Variants in PACS2 observed in about 807,000 individuals in gnomAD.
The protein encoded by PACS2 is phosphofurin acidic cluster sorting protein 2.
In PACS2, 36 loss-of-function variants were observed where a neutral mutation model predicts 113.0. That is an observed-to-expected ratio of 0.32 (90% CI 0.24 to 0.42). PACS2 has a LOEUF of 0.42. Among genes scored for constraint, PACS2 ranks in the 10% least tolerant of loss-of-function variants. The probability of loss-of-function intolerance (pLI) is 1.00; values close to 1 mark genes in which losing one functional copy is unlikely to be tolerated. For missense variants in PACS2, 1,015 were observed against 1,239.5 expected, an observed-to-expected ratio of 0.82 and a Z score of 2.72; for synonymous variants, 589 against 536.1, an observed-to-expected ratio of 1.10 and a Z score of -1.36.
chr14:105,347,611 G>A (rs782470578), intron 1 of PACS2, among the ~76,000 whole-genome samples: 1 of 152,214 alleles, frequency 6.6e-6, no homozygotes, highest in Non-Finnish European at 1.5e-5. Context: ...GCCTGAAGCC[G>A]GGCAGGGCAG....
chr14:105,313,724 C>T (rs949393095), upstream of PACS2, among the ~76,000 whole-genome samples: 4 of 152,196 alleles, frequency 2.6e-5, no homozygotes. Context: ...AGACACAGGG[C>T]GAAGAGAAAA....
In PACS2 at chr14:105,324,500, G is replaced by A. The variant is rs1373704954; in HGVS notation, c.119+9463G>A. On this transcript the variant is annotated intron_variant, in intron 1 of 24. Transcript: ENST00000447393. The surrounding 1 kb of genome is among the most constrained non-coding windows in gnomAD (Gnocchi z 4.7). ...GAGCTGCTGGCCCCGCAGGGTGGCT[G>A]GGCCTGGCTGGCTCAGCAGCTGCTC... Among the ~76,000 whole-genome samples the A allele has an allele frequency of 6.6e-6, 1 of 152,224 alleles. No homozygotes were observed. Among genetic ancestry groups the A allele is most frequent in the East Asian group, 1.9e-4 (1 of 5,196 alleles).
At chr14:105,385,493 C>T (rs1032903384) in intron 18 of PACS2, among the ~76,000 whole-genome samples, 192 bp from the exon 19 acceptor site, 25 of 152,174 alleles carry the variant, frequency 1.6e-4, no homozygotes, top group South Asian at 4.1e-4. Context: ...GCACATCTGG[C>T]GCCACTGTCC....
intron 19 of PACS2, 188 bp from the exon 20 acceptor site, chr14:105,389,773 C>T: frequency 2.0e-5 from 13 of 636,284 alleles, no homozygotes; most frequent in Non-Finnish European, 3.1e-5. Flanking sequence ...TCCTGGGGGC[C>T]AGGCCAGGGC....
At chr14:105,363,809 TTC>T (rs2060821507) in intron 4 of PACS2, among the ~76,000 whole-genome samples, 1 of 152,134 alleles carries the variant, frequency 6.6e-6, no homozygotes. Context: ...ACTCAGTCAT[TTC>T]TAGGTTCTCA....
At chr14:105,378,303 G>T (rs1056992113) in intron 9 of PACS2, among the ~76,000 whole-genome samples, 1 of 152,236 alleles carries the variant, frequency 6.6e-6, no homozygotes, top group Non-Finnish European at 1.5e-5. Context: ...GCGTCTCGGG[G>T]CTATGATCTT....
At position 105,397,811 on chromosome 14, in the gene PACS2, C is replaced by G; in HGVS notation, c.*3139C>G. On this transcript the variant is annotated 3_prime_UTR_variant, in exon 25 of 25. Coordinates refer to ENST00000447393, the MANE Select transcript of PACS2 (RefSeq NM_001100913.3). ...GGAATGAATTCCTCATGAAAATGAC[C>G]AGGCCACTTCTTCCGAGGGCCAGGC... 1 of 152,258 alleles carries G rather than the reference C, an allele frequency of 6.6e-6. No individual in the cohort carries two copies. 9.4% of individuals were successfully genotyped at this position (152,258 alleles called of 1,614,324 possible). A position where few individuals can be genotyped will look rare whatever the true frequency, so the allele number is the denominator to read the frequency against.
At position 105,391,711 on chromosome 14, in the gene PACS2, G is replaced by T. The variant is rs587624621; in HGVS notation, c.2200G>T (p.Ala734Ser). Residue 734 changes from alanine to serine, a missense_variant, in exon 22 of 25, where the codon GCC becomes TCC. Physicochemically the swap from Ala to Ser is moderately conservative, Grantham distance 99 (BLOSUM62 1). This residue lies in a region of PACS2 where 859 missense variants were observed against 1,056.8 expected (regional missense o/e 0.81). Transcript: ENST00000447393. The stretch of plus-strand genomic sequence containing the variant: ...GTCCGCATCTCCTGCGGCCAAGGAG[G>T]CCTCACCCACCCCGCCCTCCTCCCC... ...PPSASPAAKEASPTPPSSPSV... is the reference protein window; with the variant it reads ...PPSASPAAKESSPTPPSSPSV... 140 of 1,602,404 alleles carry T rather than the reference G, an allele frequency of 8.7e-5. 1 individual carries two copies. The South Asian group carries it at 1.4e-3, about 17-fold the overall frequency.
chr14:105,350,967 C>T (rs1213839191), intron 2 of PACS2, among the ~76,000 whole-genome samples: 3 of 152,204 alleles, frequency 2.0e-5, no homozygotes, highest in South Asian at 2.1e-4. Flanking sequence ...GACCAGAGTC[C>T]GCCATGGACG....
In PACS2 at chr14:105,301,778, C is replaced by G. The variant is rs587704026; in HGVS notation, c.-83+799C>G. Among the ~76,000 whole-genome samples, 4 of 152,158 alleles carry G rather than the reference C, an allele frequency of 2.6e-5. No individual in the cohort carries two copies. In the East Asian group the frequency reaches 7.7e-4, roughly 29 times the overall value. On this transcript the variant is annotated intron_variant, in intron 1 of 23. Transcript: ENST00000430725. ...CGGGAACCCTGGCTGCGCACGCCCT[C>G]AAATATCTGCAGGTGCTGTTCACAA...
At position 105,396,313 on chromosome 14, in the gene PACS2, G is replaced by C. The variant is rs2081526884; in HGVS notation, c.*1641G>C. The C allele has an allele frequency of 6.6e-6, 1 of 152,236 alleles. No individual in the cohort carries two copies. The highest frequency in any genetic ancestry group is 2.4e-5 in the African/African-American group (1 of 41,426). The allele number at this position is 152,236 out of a possible 1,614,324, so 9.4% of individuals were successfully genotyped here. ...GGGGCACACCCCAGGGTGGGGGAGA[G>C]GGTAGGAAGGTCTCCCATTGAATCC... On this transcript the variant is annotated 3_prime_UTR_variant, in exon 25 of 25. Transcript: ENST00000447393.
Position 105,317,965 on chromosome 14 carries a change from CG to C in PACS2, c.119+2932del. On this transcript the variant is annotated intron_variant, in intron 1 of 24. Coordinates refer to ENST00000447393, the MANE Select transcript of PACS2 (RefSeq NM_001100913.3). The surrounding 1 kb of genome is among the most constrained non-coding windows in gnomAD (Gnocchi z 4.2). The stretch of plus-strand genomic sequence containing the variant: ...ACACACGGTGCTCCTAGGTGGTCCA[CG>C]GGGTATGCGTCAGTGCCTGTCTGTG... Among the ~76,000 whole-genome samples, 1 of 152,276 alleles carries C rather than the reference CG, an allele frequency of 6.6e-6. No individual in the cohort carries two copies. The highest frequency in any genetic ancestry group is 2.1e-4 in the South Asian group (1 of 4,820).
intron 21 of PACS2, 112 bp from the exon 22 acceptor site, chr14:105,391,519 C>T (rs1258642224): frequency 4.4e-6 from 3 of 682,244 alleles, no homozygotes; most frequent in Admixed American, 5.4e-5. Flanking sequence ...GACTCCCACC[C>T]TGCCCACCCC....
rs1595674040 is a variant in PACS2 at position 105,354,083 on chromosome 14, A to G, written c.298-969A>G. 6.6e-6 allele frequency among the ~76,000 whole-genome samples: 1 copy of G among 152,088 alleles called. No individual in the cohort carries two copies. Among genetic ancestry groups the G allele is most frequent in the East Asian group, 2.0e-4 (1 of 5,118 alleles). On this transcript the variant is annotated intron_variant, in intron 3 of 24. Coordinates refer to ENST00000447393, the MANE Select transcript of PACS2 (RefSeq NM_001100913.3). The surrounding 1 kb of genome is among the most constrained non-coding windows in gnomAD (Gnocchi z 4.2). ...AGCCTGGGGGACAGAGTGAGACTCC[A>G]TCTCAAAAAAAAGAGAGAATATAAT... is the stretch of plus-strand genomic sequence containing the variant.
chr14:105,342,131 TG>T (rs2059749775), intron 1 of PACS2, among the ~76,000 whole-genome samples: 2 of 152,322 alleles, frequency 1.3e-5, no homozygotes, highest in East Asian at 3.9e-4. Context: ...ATGCCTCTTG[TG>T]GGTTTGCAGT....
Position 105,367,332 on chromosome 14 carries a change from C to T in PACS2, c.543C>T (p.His181=), listed in dbSNP as rs201928191. ...CCCTGTCCAGCCAGCCCATTGACCA[C>T]GAAGACAGCACCATGCAGGCCGGCC... ...IASLSSQPID[H]EDSTMQAGPK... Residue 181 remains histidine, a synonymous_variant, in exon 5 of 25, where the codon CAC becomes CAT. Coordinates refer to ENST00000447393, the MANE Select transcript of PACS2 (RefSeq NM_001100913.3). The T allele has an allele frequency of 7.9e-5, 127 of 1,613,422 alleles. 1 individual carries two copies. The highest frequency in any genetic ancestry group is 4.8e-4 in the Admixed American group (29 of 60,032).
Position 105,366,871 on chromosome 14 carries a change from C to G in PACS2, c.424-342C>G, listed in dbSNP as rs1024238178. 2.6e-5 allele frequency among the ~76,000 whole-genome samples: 4 copies of G among 152,300 alleles called. No individual in the cohort carries two copies. Among genetic ancestry groups the G allele is most frequent in the African/African-American group, 9.6e-5 (4 of 41,560 alleles). ...GTCGTGCCTGAGATCAGGAGGGCCG[C>G]GGACACCCCTGTCTGTCCATCTCAG... is the stretch of plus-strand genomic sequence containing the variant. On this transcript the variant is annotated intron_variant, in intron 4 of 24. Transcript: ENST00000447393. The surrounding 1 kb of genome is among the most constrained non-coding windows in gnomAD (Gnocchi z 4.3).
At chr14:105,301,436 G>C (rs931437514) in intron 1 of PACS2, among the ~76,000 whole-genome samples, 1 of 151,646 alleles carries the variant, frequency 6.6e-6, no homozygotes, top group African/African-American at 2.4e-5. Context: ...TGAGGCGAGG[G>C]GGCCGAGCGT....
In PACS2 at chr14:105,382,555, G is replaced by A. The variant is rs1555412328; in HGVS notation, c.1492G>A (p.Val498Ile). The A allele has an allele frequency of 1.2e-6, 2 of 1,611,316 alleles. No individual in the cohort carries two copies. Among genetic ancestry groups the A allele is most frequent in the African/African-American group, 2.7e-5 (2 of 74,792 alleles). ...CCAGCTTCCCGAAAACATCATCCTT[G>A]TCAACACCTCGGACTGGCAGGGGCA... ...DDQLPENIIL[V>I]NTSDWQGQFL... The change falls in exon 14 of 25, where the codon GTC (valine) becomes ATC (isoleucine). Residue 498 changes from valine (V) to isoleucine (I), a missense_variant. By Grantham distance (29) the Val-to-Ile change is conservative (BLOSUM62 3). This residue lies in a region of PACS2 where 859 missense variants were observed against 1,056.8 expected (regional missense o/e 0.81). Coordinates refer to ENST00000447393, the MANE Select transcript of PACS2 (RefSeq NM_001100913.3).
Sources: allele counts gnomAD v4.1 joint callset (sites outside exome capture counted in the v4.1 genomes callset), GRCh38; gene constraint gnomAD v4.1.1; regional missense constraint gnomAD v4.1.1; non-coding constraint Gnocchi (gnomAD v3.1); transcripts MANE v1.5; gene names NCBI Gene and HGNC (gene_info 2026-07-23, HGNC 2026-07-21).